CDH18: variants seen among roughly 807,000 people sequenced by gnomAD.
CDH18 encodes cadherin-18.
CDH18 carries 31 observed loss-of-function variants against 67.9 expected under a neutral mutation model. The ratio of observed to expected loss-of-function variants is 0.46; its 90% CI spans 0.34 to 0.62. The LOEUF is 0.62. Ranked by LOEUF, CDH18 falls within the 20% of genes least tolerant of loss-of-function variation. CDH18 has a pLI of 0.01. For synonymous variants in CDH18, 362 were observed against 347.2 expected (o/e 1.04, Z -0.48); for missense variants, 890 against 975.5 (o/e 0.91, Z 1.17).
intron 1 of CDH18, among the ~76,000 whole-genome samples, chr5:20,494,491 T>G (rs1753792854): frequency 6.6e-6 from 1 of 152,198 alleles, no homozygotes; most frequent in African/African-American, 2.4e-5. Context: ...ATATTTTTTC[T>G]TATTTTTCTA....
intron 6 of CDH18, among the ~76,000 whole-genome samples, chr5:19,611,852 A>G (rs557809735): frequency 1.0e-3 from 157 of 151,876 alleles, no homozygotes; most frequent in Non-Finnish European, 1.3e-3. Context: ...TCTCCCCCCA[A>G]AATTGCCTAC....
Position 19,520,787 on chromosome 5 carries a change from T to C in CDH18, c.1391-9A>G, listed in dbSNP as rs765059960. 1.9e-6 allele frequency: 3 copies of C among 1,612,644 alleles called. No homozygotes were observed. Among genetic ancestry groups the C allele is most frequent in the East Asian group, 2.2e-5 (1 of 44,812 alleles). On this transcript the variant is annotated splice_polypyrimidine_tract_variant and intron_variant, in intron 9 of 12. Transcript: ENST00000382275. Reference sequence around the variant, plus strand: ...CAGCAAATCAGGATTATCTGCAAAATACACAGGAATGTATTTAGTATTTCC... The same window carrying C: ...CAGCAAATCAGGATTATCTGCAAAACACACAGGAATGTATTTAGTATTTCC...
rs998052373 is a variant in CDH18 at position 20,019,918 on chromosome 5, G to C, written c.-517-27904C>G. Reference sequence around the variant, plus strand: ...GAATTTCCTAGAGACTTGTTAAATTGTTTTGACCAAAATGCTGATATTGAT... The same window carrying C: ...GAATTTCCTAGAGACTTGTTAAATTCTTTTGACCAAAATGCTGATATTGAT... On this transcript the variant is annotated intron_variant, in intron 2 of 14. Coordinates refer to the CDH18 transcript ENST00000507958. Among the ~76,000 whole-genome samples the C allele has an allele frequency of 1.3e-5, 2 of 152,194 alleles. 1 individual carries two copies. The highest frequency in any genetic ancestry group is 4.1e-4 in the South Asian group (2 of 4,836).
chr5:19,482,111 T>C (rs928117921), intron 12 of CDH18, among the ~76,000 whole-genome samples: 4 of 152,018 alleles, frequency 2.6e-5, no homozygotes, highest in African/African-American at 7.2e-5. Flanking sequence ...AAATTTATTT[T>C]ATTTTATTAT....
chr5:19,588,027 G>A (rs1744475038), intron 7 of CDH18, among the ~76,000 whole-genome samples: 1 of 151,888 alleles, frequency 6.6e-6, no homozygotes, highest in African/African-American at 2.4e-5. Flanking sequence ...ATATCGCTAG[G>A]TATTTTACTC....
intron 2 of CDH18, among the ~76,000 whole-genome samples, chr5:19,846,437 A>T (rs1561430040): frequency 1.3e-5 from 2 of 152,132 alleles, no homozygotes; most frequent in East Asian, 3.9e-4. Flanking sequence ...ACACTGTTAC[A>T]TCATTCCAGC....
rs144483311 is a variant in CDH18 at position 19,941,341 on chromosome 5, T to C, written c.-257+39719A>G. Among the ~76,000 whole-genome samples, 311 of 152,250 alleles carry C rather than the reference T, an allele frequency of 2.0e-3. 2 individuals are homozygous for C. The highest frequency in any genetic ancestry group is 7.0e-3 in the African/African-American group (291 of 41,564). ...AAGCCACTCAGTTCCTGGTATTCTG[T>C]CATAACAGCACAAATGGAATAAGAT... On this transcript the variant is annotated intron_variant, in intron 2 of 12. Transcript: ENST00000382275.
At chr5:19,644,509 G>T (rs181571631) in intron 5 of CDH18, among the ~76,000 whole-genome samples, 106 of 152,240 alleles carry the variant, frequency 7.0e-4, no homozygotes, top group African/African-American at 2.4e-3. Context: ...AACAGTGAAT[G>T]GAATGTAGAT....
chr5:20,193,830 A>C (rs58772172), intron 2 of CDH18, among the ~76,000 whole-genome samples: 5,233 of 152,238 alleles, frequency 0.034, 309 homozygotes, highest in African/African-American at 0.12. Flanking sequence ...CATCACATAA[A>C]TAGAACCAAG....
At chr5:19,914,780 A>C (rs1791568646) in intron 2 of CDH18, among the ~76,000 whole-genome samples, 1 of 152,076 alleles carries the variant, frequency 6.6e-6, no homozygotes, top group Non-Finnish European at 1.5e-5. Context: ...AAGGAAACAA[A>C]ATGAAACATC....
chr5:20,171,765 G>T (rs1325227542), intron 2 of CDH18, among the ~76,000 whole-genome samples: 1 of 151,462 alleles, frequency 6.6e-6, no homozygotes, highest in African/African-American at 2.4e-5. Context: ...ACTTAATTTT[G>T]GTATCTTCAT....
At chr5:20,358,348 A>G (rs1741802685) in intron 1 of CDH18, among the ~76,000 whole-genome samples, 2 of 152,236 alleles carry the variant, frequency 1.3e-5, no homozygotes, top group African/African-American at 4.8e-5. Flanking sequence ...TTGGTCAATG[A>G]GACCTAGACC....
intron 1 of CDH18, among the ~76,000 whole-genome samples, chr5:20,336,132 G>A (rs1345938777): frequency 2.9e-4 from 44 of 152,118 alleles, no homozygotes; most frequent in Non-Finnish European, 8.8e-5. Context: ...AACCCCACTT[G>A]GACAAGTCCT....
chr5:20,272,303 A>C (rs1478906791), intron 1 of CDH18, among the ~76,000 whole-genome samples: 2 of 152,106 alleles, frequency 1.3e-5, no homozygotes, highest in East Asian at 3.9e-4. Context: ...ATTGGGTCAA[A>C]GGTTCAATGA....
At chr5:19,981,266 T>A (rs1799001460) in intron 1 of CDH18, 88 bp from the exon 2 acceptor site, 1 of 152,150 alleles carries the variant, frequency 6.6e-6, no homozygotes, top group South Asian at 2.1e-4. Flanking sequence ...CCATCCATAC[T>A]CTTGTAGGAA....
At chr5:19,824,805 C>A (rs78621079) in intron 3 of CDH18, among the ~76,000 whole-genome samples, 1,558 of 152,252 alleles carry the variant, frequency 0.01, 24 homozygotes, top group African/African-American at 0.035. Flanking sequence ...TCCAACCCTG[C>A]AACTGGTAGC....
intron 2 of CDH18, among the ~76,000 whole-genome samples, chr5:20,139,273 T>C (rs968492071): frequency 4.6e-5 from 7 of 152,182 alleles, no homozygotes; most frequent in African/African-American, 1.2e-4. Flanking sequence ...ATGTAGAAAG[T>C]TGAAACTGGA....
At chr5:19,477,240 C>T (rs1738631799) in intron 12 of CDH18, among the ~76,000 whole-genome samples, 1 of 151,120 alleles carries the variant, frequency 6.6e-6, no homozygotes, top group Non-Finnish European at 1.5e-5. Flanking sequence ...CAAATGCAGA[C>T]ATAGGATCCC....
chr5:20,356,743 C>CTATA (rs1252403803), intron 1 of CDH18, among the ~76,000 whole-genome samples: 2 of 142,726 alleles, frequency 1.4e-5, no homozygotes, highest in African/African-American at 5.5e-5. Context: ...CTCTCTCTCT[C>CTATA]TCTCTCTCTC....
Sources: gnomAD v4.1 joint callset for allele counts (sites outside exome capture counted in the v4.1 genomes callset) on GRCh38, gnomAD v4.1.1 for gene constraint, MANE v1.5 for transcripts, NCBI Gene and HGNC (gene_info 2026-07-23, HGNC 2026-07-21) for gene names.